Variants in BTC observed in about 807,000 individuals in gnomAD.
BTC encodes probetacellulin.
Under a neutral mutation model 18.1 loss-of-function variants are expected in BTC, and 13 were observed. That is an observed-to-expected ratio of 0.72 (90% CI 0.47 to 1.14). The LOEUF is 1.14. Ranked by LOEUF, BTC falls within the 50% of genes most tolerant of loss-of-function variation. The probability of loss-of-function intolerance (pLI) is 0.00; values close to 1 mark genes in which losing one functional copy is unlikely to be tolerated. For missense variants in BTC, 247 were observed against 224.2 expected, an observed-to-expected ratio of 1.10 and a Z score of -0.65; for synonymous variants, 83 against 79.4, an observed-to-expected ratio of 1.05 and a Z score of -0.24.
intron 2 of BTC, among the ~76,000 whole-genome samples, chr4:74,756,831 T>C (rs77547747): frequency 0.04 from 6,118 of 152,356 alleles, 183 homozygotes; most frequent in Middle Eastern, 0.065. Context: ...GGTAAAGGCC[T>C]AATTGATTGC....
chr4:74,772,296 G>T (rs958487568), intron 1 of BTC, among the ~76,000 whole-genome samples: 6 of 152,020 alleles, frequency 3.9e-5, no homozygotes, highest in Admixed American at 6.6e-5. Context: ...TTGCAATTTG[G>T]CTACCAAATT....
At chr4:74,764,244 A>G (rs1339869013) in intron 2 of BTC, among the ~76,000 whole-genome samples, 1 of 152,220 alleles carries the variant, frequency 6.6e-6, no homozygotes, top group Non-Finnish European at 1.5e-5. Context: ...AAAATTAAAA[A>G]TAAAGACCAT....
At chr4:74,747,981 A>G in intron 5 of BTC, 59 bp downstream of exon 5, 1 of 874,230 alleles carries the variant, frequency 1.1e-6, no homozygotes, top group Admixed American at 2.5e-5. Context: ...AAGTAAGCCC[A>G]ATCTAACCAG....
chr4:74,788,038 A>G (rs1021422264), intron 1 of BTC, among the ~76,000 whole-genome samples: 1 of 152,246 alleles, frequency 6.6e-6, no homozygotes, highest in African/African-American at 2.4e-5. Context: ...CAAATTCCCC[A>G]GATAGGAAAC....
Position 74,756,083 on chromosome 4 carries a change from A to T in BTC, c.164-107T>A, listed in dbSNP as rs563141878. 255 of 1,058,856 alleles carry T rather than the reference A, an allele frequency of 2.4e-4. No individual in the cohort carries two copies. In the Middle Eastern group the frequency reaches 3.2e-3, roughly 13 times the overall value. The allele number at this position is 1,058,856 out of a possible 1,614,324, so 65.6% of individuals were successfully genotyped here. ...CAGTTTCTCTGTAGAATATGTTTGA[A>T]TCTCTCATTTTTCTTTCTCTCTGCA... On this transcript the variant is annotated intron_variant, in intron 2 of 5. Transcript: ENST00000395743.
chr4:74,775,997 C>T (rs1418850012), intron 1 of BTC, among the ~76,000 whole-genome samples: 2 of 152,180 alleles, frequency 1.3e-5, no homozygotes, highest in Non-Finnish European at 2.9e-5. Context: ...TAAAGTGGGG[C>T]TTTCAGGCCC....
Position 74,748,088 on chromosome 4 carries a change from C to T in BTC, c.490G>A (p.Asp164Asn), listed in dbSNP as rs782792563. The T allele has an allele frequency of 4.3e-5, 69 of 1,610,684 alleles. 1 individual carries two copies. In the Admixed American group the frequency reaches 1.0e-3, roughly 23 times the overall value. Reference protein sequence around the residue: ...KEEEMETLGKDITPINEDIEE... With the variant: ...KEEEMETLGKNITPINEDIEE... ...ATATCTTCATTGATAGGAGTTATATCTTTACCCAGAGTTTCCATTTCTTCT... is the reference window on the plus strand; with the variant it reads ...ATATCTTCATTGATAGGAGTTATATTTTTACCCAGAGTTTCCATTTCTTCT... The change falls in exon 5 of 6, where the codon GAT becomes AAT. Residue 164 changes from aspartate (D) to asparagine (N), a missense_variant. Asp to Asn is a conservative substitution (Grantham distance 23). Coordinates refer to ENST00000395743, the MANE Select transcript of BTC (RefSeq NM_001729.4).
At chr4:74,761,477 C>T (rs1419259233) in intron 2 of BTC, among the ~76,000 whole-genome samples, 1 of 152,200 alleles carries the variant, frequency 6.6e-6, no homozygotes, top group African/African-American at 2.4e-5. Context: ...TTTACATCAT[C>T]CCTCACTCCC....
intron 1 of BTC, among the ~76,000 whole-genome samples, chr4:74,771,932 G>C (rs1318654222): frequency 6.6e-6 from 1 of 152,164 alleles, no homozygotes; most frequent in Non-Finnish European, 1.5e-5. Context: ...AGAGGATTAA[G>C]TACATTGAAT....
chr4:74,763,030 G>T (rs1214535402), intron 2 of BTC, among the ~76,000 whole-genome samples: 1 of 152,116 alleles, frequency 6.6e-6, no homozygotes, highest in African/African-American at 2.4e-5. Flanking sequence ...TTTTTGCTCT[G>T]TATTTCTGGT....
At chr4:74,750,775 T>G in intron 3 of BTC, 56 bp from the exon 4 acceptor site, 4 of 1,570,180 alleles carry the variant, frequency 2.5e-6, no homozygotes, top group South Asian at 1.2e-5. Context: ...TAAGAATCTC[T>G]ACTTCTTTTC....
intron 1 of BTC, among the ~76,000 whole-genome samples, chr4:74,791,441 C>T (rs747142222): frequency 6.6e-6 from 1 of 152,146 alleles, no homozygotes; most frequent in African/African-American, 2.4e-5. Flanking sequence ...GATTAAATGG[C>T]TCAGGATTTC....
At chr4:74,763,901 C>T (rs1724830757) in intron 2 of BTC, among the ~76,000 whole-genome samples, 1 of 152,100 alleles carries the variant, frequency 6.6e-6, no homozygotes, top group African/African-American at 2.4e-5. Context: ...GTGATAGATA[C>T]ATGCTAATTA....
chr4:74,791,377 T>C (rs764002499), intron 1 of BTC, among the ~76,000 whole-genome samples: 31 of 150,790 alleles, frequency 2.1e-4, no homozygotes, highest in East Asian at 1.9e-4. Context: ...AAAAAGAAAA[T>C]ACAGTAGAGA....
intron 3 of BTC, among the ~76,000 whole-genome samples, chr4:74,752,817 A>C (rs72660307): frequency 0.054 from 8,177 of 152,286 alleles, 287 homozygotes; most frequent in Non-Finnish European, 0.087. Flanking sequence ...GGTATTTTTA[A>C]ACAATAGCTT....
intron 1 of BTC, among the ~76,000 whole-genome samples, chr4:74,792,422 C>G (rs1345010422): frequency 6.6e-6 from 1 of 152,202 alleles, no homozygotes; most frequent in East Asian, 1.9e-4. Flanking sequence ...ATTTAGGCCC[C>G]AAGTAGCTCA....
intron 1 of BTC, among the ~76,000 whole-genome samples, chr4:74,776,882 C>A (rs900210435): frequency 6.6e-6 from 1 of 152,142 alleles, no homozygotes; most frequent in African/African-American, 2.4e-5. Flanking sequence ...TTCCTAGATA[C>A]ACTCCAAACT....
At chr4:74,752,833 A>G (rs951830595) in intron 3 of BTC, among the ~76,000 whole-genome samples, 3 of 152,228 alleles carry the variant, frequency 2.0e-5, no homozygotes, top group African/African-American at 7.2e-5. Context: ...AGCTTTGTCC[A>G]TAAAATGCAT....
At chr4:74,769,114 C>A (rs1163586108) in intron 2 of BTC, among the ~76,000 whole-genome samples, 1 of 152,130 alleles carries the variant, frequency 6.6e-6, no homozygotes. Flanking sequence ...CCCGAGGGTG[C>A]TAGGAAAGGA....
Sources: gnomAD v4.1 joint callset for allele counts (sites outside exome capture counted in the v4.1 genomes callset) on GRCh38, gnomAD v4.1.1 for gene constraint, MANE v1.5 for transcripts, NCBI Gene and HGNC (gene_info 2026-07-23, HGNC 2026-07-21) for gene names.